The following MED13L variants were observed in gnomAD, a reference collection of about 807,000 sequenced individuals.
The protein encoded by MED13L is mediator of RNA polymerase II transcription subunit 13-like.
Under a neutral mutation model 220.9 loss-of-function variants are expected in MED13L, and 7 were observed. That is an observed-to-expected ratio of 0.03 (90% CI 0.02 to 0.06). The LOEUF (loss-of-function observed/expected upper bound fraction) is 0.06, where lower values mean the gene tolerates loss of function less well. MED13L is among the 10% of genes least tolerant of loss of function. The pLI is 1.00. For synonymous variants in MED13L, 1,011 were observed against 1,015.2 expected (o/e 1.00, Z 0.08); for missense variants, 1,965 against 2,760.5 (o/e 0.71, Z 6.46).
intron 4 of MED13L, among the ~76,000 whole-genome samples, chr12:116,035,787 T>C (rs1406895428): frequency 1.3e-5 from 2 of 151,954 alleles, no homozygotes; most frequent in African/African-American, 4.8e-5. Context: ...GACGGGGTTT[T>C]GCTACGTTGC....
intron 4 of MED13L, among the ~76,000 whole-genome samples, chr12:116,059,417 CT>C (rs773277217): frequency 2.4e-3 from 331 of 137,692 alleles, no homozygotes; most frequent in Middle Eastern, 7.3e-3. Flanking sequence ...TTATACCGTA[CT>C]TTTTTTTTTT....
At chr12:116,191,039 C>T (rs1490827216) in intron 2 of MED13L, among the ~76,000 whole-genome samples, 1 of 147,536 alleles carries the variant, frequency 6.8e-6, no homozygotes, top group African/African-American at 2.5e-5. Flanking sequence ...TTGCAGTGAG[C>T]AGAGGTTGCA....
At chr12:116,050,660 G>A (rs544241389) in intron 4 of MED13L, among the ~76,000 whole-genome samples, 1 of 152,224 alleles carries the variant, frequency 6.6e-6, no homozygotes, top group East Asian at 1.9e-4. Flanking sequence ...CCATTGGCCG[G>A]GCACGGTGGC....
chr12:116,171,125 T>C (rs569542751), intron 2 of MED13L, among the ~76,000 whole-genome samples: 308 of 152,368 alleles, frequency 2.0e-3, no homozygotes, highest in Non-Finnish European at 3.2e-3. Flanking sequence ...TTTTGACTTG[T>C]GGGATCTCCC....
intron 2 of MED13L, among the ~76,000 whole-genome samples, chr12:116,193,777 T>C (rs1881438320): frequency 6.6e-6 from 1 of 152,140 alleles, no homozygotes; most frequent in Non-Finnish European, 1.5e-5. Context: ...GAAATCATCA[T>C]GGGAATAGTA....
intron 16 of MED13L, among the ~76,000 whole-genome samples, chr12:115,994,133 T>C (rs564967463): frequency 3.3e-4 from 50 of 152,308 alleles, no homozygotes; most frequent in Non-Finnish European, 2.4e-4. Context: ...ATGACTGCCA[T>C]AGTGGACAGT....
chr12:116,017,229 C>A (rs1267820017), intron 7 of MED13L, among the ~76,000 whole-genome samples: 12 of 152,176 alleles, frequency 7.9e-5, no homozygotes. Flanking sequence ...TTAGTCCACA[C>A]TGAAATCCCC....
At chr12:116,227,273 A>G (rs1703769290) in intron 2 of MED13L, among the ~76,000 whole-genome samples, 1 of 152,232 alleles carries the variant, frequency 6.6e-6, no homozygotes, top group Non-Finnish European at 1.5e-5. Flanking sequence ...CGAAGAAAAA[A>G]TAAGGGGTAA....
At chr12:116,194,144 C>T (rs1207875642) in intron 2 of MED13L, among the ~76,000 whole-genome samples, 1 of 151,964 alleles carries the variant, frequency 6.6e-6, no homozygotes, top group African/African-American at 2.4e-5. Flanking sequence ...AAAAAAATAA[C>T]CCTGTCTATA....
intron 2 of MED13L, among the ~76,000 whole-genome samples, chr12:116,133,919 G>C (rs1279617725): frequency 6.6e-6 from 1 of 151,982 alleles, no homozygotes; most frequent in African/African-American, 2.4e-5. Flanking sequence ...AACCAGCATC[G>C]ACCACCAGCT....
chr12:116,178,942 T>C (rs906407355), intron 2 of MED13L, among the ~76,000 whole-genome samples: 1 of 152,200 alleles, frequency 6.6e-6, no homozygotes, highest in African/African-American at 2.4e-5. Flanking sequence ...TCAAAGTGTA[T>C]TAGAATGAAT....
intron 1 of MED13L, among the ~76,000 whole-genome samples, chr12:116,271,831 T>C (rs1179680793): frequency 6.6e-6 from 1 of 152,050 alleles, no homozygotes; most frequent in East Asian, 1.9e-4. Context: ...TACTACTAAT[T>C]CTCATAAAAT....
chr12:116,173,932 C>T (rs1302699284), intron 2 of MED13L, among the ~76,000 whole-genome samples: 1 of 151,884 alleles, frequency 6.6e-6, no homozygotes, highest in Non-Finnish European at 1.5e-5. Flanking sequence ...GATGCCCATC[C>T]CTACAAAAAA....
chr12:115,959,175 CATTT>C lies in MED13L; in HGVS notation c.*2087_*2090del, dbSNP rs777505511. The C allele has an allele frequency of 1.5e-4, 23 of 152,426 alleles. No individual in the cohort carries two copies. The highest frequency in any genetic ancestry group is 1.9e-4 in the East Asian group (1 of 5,198). The allele number at this position is 152,426 out of a possible 1,614,324, so 9.4% of individuals were successfully genotyped here. On this transcript the variant is annotated 3_prime_UTR_variant, in exon 31 of 31. Transcript: ENST00000281928. ...AGATTTTTTAAAATCTATTGCCATT[CATTT>C]ATTTTTGCACAAAAACGTATAAATA...
chr12:115,978,660 T>C (rs1056097802), intron 23 of MED13L, among the ~76,000 whole-genome samples: 1 of 152,166 alleles, frequency 6.6e-6, no homozygotes, highest in Admixed American at 6.5e-5. Flanking sequence ...AATTTCGTGA[T>C]ATGTGAATTG....
intron 2 of MED13L, among the ~76,000 whole-genome samples, chr12:116,173,483 T>C (rs1239889491): frequency 2.0e-5 from 3 of 152,216 alleles, no homozygotes; most frequent in Admixed American, 6.5e-5. Context: ...GATGACAGTA[T>C]ATAAATCAAT....
chr12:116,187,876 A>G (rs1880998926), intron 2 of MED13L, among the ~76,000 whole-genome samples: 1 of 150,984 alleles, frequency 6.6e-6, no homozygotes, highest in South Asian at 2.1e-4. Context: ...TTTTTCTTTT[A>G]TAAGTTAAAA....
chr12:115,971,665 G>C (rs1346848864), intron 26 of MED13L, among the ~76,000 whole-genome samples: 1 of 152,148 alleles, frequency 6.6e-6, no homozygotes, highest in Admixed American at 6.5e-5. Context: ...CCGTATCAGA[G>C]AGACTATAGA....
intron 1 of MED13L, among the ~76,000 whole-genome samples, chr12:116,259,260 A>G (rs983231540): frequency 1.3e-5 from 2 of 152,342 alleles, no homozygotes; most frequent in East Asian, 3.9e-4. Context: ...CGGAAAAAGC[A>G]CATTGCAGGA....
Sources: gnomAD v4.1 joint callset for allele counts (sites outside exome capture counted in the v4.1 genomes callset) on GRCh38, gnomAD v4.1.1 for gene constraint, MANE v1.5 for transcripts, NCBI Gene and HGNC (gene_info 2026-07-23, HGNC 2026-07-21) for gene names.